Variants in RERE observed in about 807,000 individuals in gnomAD.
The protein encoded by RERE is arginine-glutamic acid dipeptide repeats.
In RERE, 40 loss-of-function variants were observed where a neutral mutation model predicts 146.1. The ratio of observed to expected loss-of-function variants is 0.27; its 90% confidence interval spans 0.21 to 0.36. RERE has a LOEUF of 0.36. Ranked by LOEUF, RERE falls within the 10% of genes least tolerant of loss-of-function variation. The pLI is 1.00. For missense variants in RERE, 1,933 were observed against 2,138.7 expected (o/e 0.90, Z 1.90); for synonymous variants, 1,003 against 866.0 (o/e 1.16, Z -2.78).
chr1:8,363,984 G>A (rs761316720), intron 15 of RERE, 72 bp downstream of exon 15: 11 of 1,417,052 alleles, frequency 7.8e-6, no homozygotes, highest in African/African-American at 2.8e-5. Context: ...CTCCCCCTGG[G>A]AGGCTCAAGC....
chr1:8,459,414 G>GT (rs1644497873), intron 11 of RERE, among the ~76,000 whole-genome samples: 1 of 152,122 alleles, frequency 6.6e-6, no homozygotes, highest in Admixed American at 6.5e-5. Context: ...AGGAAGGGTG[G>GT]TTAGTAGAGA....
At chr1:8,807,773 T>C (rs535755239) in intron 1 of RERE, among the ~76,000 whole-genome samples, 7 of 152,322 alleles carry the variant, frequency 4.6e-5, no homozygotes, top group Non-Finnish European at 1.0e-4. Flanking sequence ...AAAAGACTAA[T>C]TGTTGGGGTC....
Position 8,355,568 on chromosome 1 carries a change from G to A in RERE, c.4518C>T (p.Ala1506=), listed in dbSNP as rs769512289. The change falls in exon 22 of 23, where the codon GCC becomes GCT. Residue 1506 remains alanine, a synonymous_variant. Coordinates refer to ENST00000400908, the MANE Select transcript of RERE (RefSeq NM_001042681.2). ...GGGCTGCTGACATGGGGGGTGGGAT[G>A]GCCCCAGGCAGGTCACGGGGGTAGG... ...GTPYPRDLPG[A]IPPPMSAAHQ... is the part of the protein sequence containing the mutation. 1.3e-6 allele frequency: 2 copies of A among 1,599,332 alleles called. No homozygotes were observed. The highest frequency in any genetic ancestry group is 1.3e-5 in the African/African-American group (1 of 74,800).
chr1:8,536,596 ATTTATTGAC>A (rs1338739384), intron 7 of RERE, among the ~76,000 whole-genome samples: 1 of 152,194 alleles, frequency 6.6e-6, no homozygotes, highest in Non-Finnish European at 1.5e-5. Context: ...CTGAGCTGAA[ATTTATTGAC>A]TTTATTAAGT....
chr1:8,724,915 C>T (rs1175571245), intron 1 of RERE, among the ~76,000 whole-genome samples: 1 of 140,050 alleles, frequency 7.1e-6, no homozygotes, highest in Non-Finnish European at 1.6e-5. Flanking sequence ...TTCCTAGAAA[C>T]TTTCTAATTA....
intron 2 of RERE, among the ~76,000 whole-genome samples, chr1:8,646,314 T>G (rs1647303664): frequency 6.6e-6 from 1 of 152,116 alleles, no homozygotes; most frequent in Non-Finnish European, 1.5e-5. Context: ...GACTCCTGGC[T>G]TGAGTCCAGG....
chr1:8,791,902 A>C (rs1483365727), intron 1 of RERE, among the ~76,000 whole-genome samples: 1 of 152,184 alleles, frequency 6.6e-6, no homozygotes, highest in African/African-American at 2.4e-5. Flanking sequence ...ATCTCCCAGA[A>C]TTTATCATCA....
chr1:8,700,831 C>A (rs987878884), intron 1 of RERE, among the ~76,000 whole-genome samples: 1 of 152,122 alleles, frequency 6.6e-6, no homozygotes, highest in Non-Finnish European at 1.5e-5. Context: ...TCAGCCTACA[C>A]AATAGCAAGC....
chr1:8,789,735 T>A (rs1641330378), intron 1 of RERE, among the ~76,000 whole-genome samples: 2 of 152,158 alleles, frequency 1.3e-5, no homozygotes, highest in Non-Finnish European at 2.9e-5. Context: ...CAGGTTCTCT[T>A]TACTGAACGC....
intron 1 of RERE, among the ~76,000 whole-genome samples, chr1:8,794,931 G>A (rs1424222427): frequency 6.6e-5 from 10 of 151,920 alleles, no homozygotes; most frequent in Admixed American, 5.9e-4. Flanking sequence ...TCCCATCTCA[G>A]CCTCCCAAGT....
intron 7 of RERE, among the ~76,000 whole-genome samples, chr1:8,515,911 T>TA (rs1475834490): frequency 6.6e-6 from 1 of 151,950 alleles, no homozygotes; most frequent in Non-Finnish European, 1.5e-5. Flanking sequence ...AGTTTTCACA[T>TA]ACGTTATCTT....
intron 4 of RERE, among the ~76,000 whole-genome samples, chr1:8,590,559 C>T (rs184165755): frequency 2.0e-3 from 298 of 152,288 alleles, no homozygotes; most frequent in Non-Finnish European, 3.4e-3. Context: ...TGCGGCCCAC[C>T]GGTCATGTTC....
intron 1 of RERE, among the ~76,000 whole-genome samples, chr1:8,812,080 T>C (rs1057150074): frequency 6.6e-6 from 1 of 152,148 alleles, no homozygotes; most frequent in Non-Finnish European, 1.5e-5. Context: ...TTTCCCCAAC[T>C]TGAGATGACT....
rs1252906285 is a variant in RERE, at chr1:8,361,443, T to C, written c.2064A>G (p.Ser688=). The part of the protein sequence containing the change: ...NSPSEGEGES[S]DSRSVNDEGS... ...CCTCATCGTTGACGCTGCGACTGTC[T>C]GAACTCTCTCCCTCACCTTCAGATG... Residue 688 remains serine (S), a synonymous_variant, in exon 18 of 23, where the codon TCA becomes TCG. Transcript: ENST00000400908. 1 of 1,613,630 alleles carries C rather than the reference T, an allele frequency of 6.2e-7. No homozygotes were observed.
At chr1:8,790,732 C>T (rs191377331) in intron 1 of RERE, among the ~76,000 whole-genome samples, 85 of 152,274 alleles carry the variant, frequency 5.6e-4, no homozygotes, top group African/African-American at 2.0e-3. Flanking sequence ...TATAGGCATG[C>T]GCCACCATGC....
intron 1 of RERE, among the ~76,000 whole-genome samples, chr1:8,698,133 C>G (rs968975305): frequency 2.6e-5 from 4 of 152,112 alleles, no homozygotes; most frequent in Non-Finnish European, 5.9e-5. Flanking sequence ...GTGAGTAAAA[C>G]AAAAACATCT....
rs140723553 is a variant in RERE at position 8,578,884 on chromosome 1, T to A, written c.523-21361A>T. Among the ~76,000 whole-genome samples the A allele has an allele frequency of 1.3e-3, 201 of 152,328 alleles. 4 individuals carry two copies. The East Asian group carries it at 0.034, about 26-fold the overall frequency. On this transcript the variant is annotated intron_variant, in intron 4 of 22. Transcript: ENST00000400908. ...CCTTTATATGAAAAATAAATACATG[T>A]AAAAATTGAGCTTTTGTCAAGGTTA...
chr1:8,443,972 G>A (rs530257583), intron 11 of RERE, among the ~76,000 whole-genome samples: 1 of 152,378 alleles, frequency 6.6e-6, no homozygotes, highest in East Asian at 1.9e-4. Flanking sequence ...TACTAGGGCA[G>A]TGTAGAGGGG....
rs1462509473 is a variant in RERE, at chr1:8,582,549, G to A, written c.523-25026C>T. ...CACACTTGGCTATTATATTTTAAGG[G>A]TTACTTTCTAAACCATAGGAAAATT... is the stretch of plus-strand genomic sequence containing the variant. On this transcript the variant is annotated intron_variant, in intron 4 of 22. Coordinates refer to ENST00000400908, the MANE Select transcript of RERE (RefSeq NM_001042681.2). Among the ~76,000 whole-genome samples, 3 of 151,970 alleles carry A rather than the reference G, an allele frequency of 2.0e-5. No homozygotes were observed. In the East Asian group the frequency reaches 5.8e-4, roughly 29 times the overall value.
Sources: gnomAD v4.1 joint callset for allele counts (sites outside exome capture counted in the v4.1 genomes callset) on GRCh38, gnomAD v4.1.1 for gene constraint, MANE v1.5 for transcripts, NCBI Gene and HGNC (gene_info 2026-07-23, HGNC 2026-07-21) for gene names.